The following TBC1D5 variants were observed in gnomAD, a reference collection of about 807,000 sequenced individuals.
The protein encoded by TBC1D5 is TBC1 domain family member 5, also known as TBC1 domain family, member 5.
A neutral mutation model predicts 100.3 loss-of-function variants in TBC1D5; 75 were observed. That is an observed-to-expected ratio of 0.75 (90% CI 0.62 to 0.91). The LOEUF is 0.91. Ranked by LOEUF, TBC1D5 falls within the 40% of genes least tolerant of loss-of-function variation. The pLI, the probability that TBC1D5 is intolerant of heterozygous loss-of-function variation, is 0.00. For synonymous variants in TBC1D5, 323 were observed against 325.6 expected (o/e 0.99, Z 0.09); for missense variants, 910 against 942.4 (o/e 0.97, Z 0.45).
At chr3:17,724,183 T>G (rs1328989874) in intron 1 of TBC1D5, among the ~76,000 whole-genome samples, 1 of 150,244 alleles carries the variant, frequency 6.7e-6, no homozygotes, top group Non-Finnish European at 1.5e-5. Context: ...CAAGCAATCC[T>G]CTAGCCTCAG....
intron 14 of TBC1D5, among the ~76,000 whole-genome samples, chr3:17,293,261 C>A (rs1039333817): frequency 4.6e-5 from 7 of 152,088 alleles, no homozygotes; most frequent in African/African-American, 1.7e-4. Flanking sequence ...TCCAGAAATT[C>A]AAAAAGCTAA....
chr3:17,220,360 G>A (rs1414304059), intron 17 of TBC1D5, among the ~76,000 whole-genome samples: 2 of 152,088 alleles, frequency 1.3e-5, no homozygotes, highest in African/African-American at 2.4e-5. Context: ...ATCAGATAGA[G>A]GAGGACTTCA....
Position 17,397,140 on chromosome 3 carries a change from G to T in TBC1D5, c.509+6041C>A, listed in dbSNP as rs557042985. Among the ~76,000 whole-genome samples, 4 of 152,020 alleles carry T rather than the reference G, an allele frequency of 2.6e-5. No individual in the cohort carries two copies. In the South Asian group the frequency reaches 8.3e-4, roughly 32 times the overall value. ...GCACATATCTATAATTTTTAAAAAAGAATTTAAAGAATTTTTTTTTACTTC... is the reference window on the plus strand; with the variant it reads ...GCACATATCTATAATTTTTAAAAAATAATTTAAAGAATTTTTTTTTACTTC... On this transcript the variant is annotated intron_variant, in intron 8 of 21. Coordinates refer to ENST00000253692, the Ensembl canonical transcript of TBC1D5.
intron 1 of TBC1D5, among the ~76,000 whole-genome samples, chr3:17,692,927 CA>C (rs1577518816): frequency 6.6e-6 from 1 of 152,220 alleles, no homozygotes; most frequent in Non-Finnish European, 1.5e-5. Flanking sequence ...CCCAAGAGTT[CA>C]AGACCAGCCT....
In TBC1D5 at chr3:17,717,723, C is replaced by T. The variant is rs544271760; in HGVS notation, c.-101+21620G>A. 3.3e-3 allele frequency among the ~76,000 whole-genome samples: 510 copies of T among 152,248 alleles called. 4 individuals are homozygous for T. The highest frequency in any genetic ancestry group is 0.021 in the South Asian group (102 of 4,820). ...TATATGCTTTCTAGTGACTAGGTGG[C>T]CACCAATATCCTCCATACTACTCCT... On this transcript the variant is annotated intron_variant, in intron 1 of 21. Transcript: ENST00000253692.
At chr3:17,719,833 A>G (rs907175646) in intron 1 of TBC1D5, among the ~76,000 whole-genome samples, 3 of 152,202 alleles carry the variant, frequency 2.0e-5, no homozygotes, top group African/African-American at 7.2e-5. Flanking sequence ...ACAAAGCCAA[A>G]TGTAAACAAG....
At chr3:17,622,421 T>C (rs1265728200) in intron 2 of TBC1D5, among the ~76,000 whole-genome samples, 3 of 152,176 alleles carry the variant, frequency 2.0e-5, no homozygotes, top group Admixed American at 2.0e-4. Flanking sequence ...GTCTTATCAG[T>C]ACCATTTATG....
At chr3:17,324,786 A>T (rs2085881666) in intron 13 of TBC1D5, among the ~76,000 whole-genome samples, 3 of 152,244 alleles carry the variant, frequency 2.0e-5, no homozygotes, top group Non-Finnish European at 4.4e-5. Context: ...AAAAATGGAC[A>T]AGATATAAGA....
chr3:17,463,913 G>A (rs572784384), intron 3 of TBC1D5, among the ~76,000 whole-genome samples: 2 of 140,798 alleles, frequency 1.4e-5, no homozygotes, highest in South Asian at 2.3e-4. Context: ...TATTTCTCAC[G>A]TTCCCAATCA....
intron 2 of TBC1D5, among the ~76,000 whole-genome samples, chr3:17,535,852 C>T (rs2096276612): frequency 6.6e-6 from 1 of 151,728 alleles, no homozygotes; most frequent in Non-Finnish European, 1.5e-5. Flanking sequence ...AATGAAAAAC[C>T]TAACAGGAAT....
intron 13 of TBC1D5, among the ~76,000 whole-genome samples, chr3:17,344,024 C>T (rs1292097037): frequency 1.7e-4 from 26 of 151,988 alleles, no homozygotes; most frequent in Non-Finnish European, 3.2e-4. Context: ...TGAATGTTTG[C>T]TCTTGCTTTT....
At chr3:17,306,680 G>GA (rs1049563763) in intron 14 of TBC1D5, among the ~76,000 whole-genome samples, 1 of 152,090 alleles carries the variant, frequency 6.6e-6, no homozygotes, top group African/African-American at 2.4e-5. Flanking sequence ...TACAATTACA[G>GA]AAAATCATAA....
intron 1 of TBC1D5, among the ~76,000 whole-genome samples, chr3:17,637,992 C>T (rs1455351536): frequency 1.3e-5 from 2 of 152,180 alleles, no homozygotes; most frequent in Middle Eastern, 3.4e-3. Context: ...AATTATAGTA[C>T]ATCTACTCAA....
At chr3:17,717,053 G>T (rs2075298920) in intron 1 of TBC1D5, among the ~76,000 whole-genome samples, 1 of 152,044 alleles carries the variant, frequency 6.6e-6, no homozygotes, top group Non-Finnish European at 1.5e-5. Flanking sequence ...AAAACTCTCA[G>T]AGGAAATTTC....
chr3:17,595,492 T>A (rs1576915653), intron 2 of TBC1D5, among the ~76,000 whole-genome samples: 1 of 152,240 alleles, frequency 6.6e-6, no homozygotes, highest in Non-Finnish European at 1.5e-5. Context: ...TGGGGCATAT[T>A]TGCATTCTAT....
rs141911516 is a variant in TBC1D5 at position 17,523,592 on chromosome 3, C to T, written c.-35-14987G>A. ...ATTGTTCTGAAGCCAGCAAAATGGA[C>T]AATAAAATAGTAAATACCTACGTTT... On this transcript the variant is annotated intron_variant, in intron 2 of 21. Coordinates refer to ENST00000253692, the Ensembl canonical transcript of TBC1D5. 6.6e-5 allele frequency among the ~76,000 whole-genome samples: 10 copies of T among 152,076 alleles called. No individual in the cohort carries two copies. The East Asian group carries it at 1.9e-3, about 29-fold the overall frequency.
intron 1 of TBC1D5, among the ~76,000 whole-genome samples, chr3:17,660,766 G>A (rs1441715192): frequency 6.6e-6 from 1 of 152,050 alleles, no homozygotes; most frequent in East Asian, 1.9e-4. Flanking sequence ...TCCATTGTAG[G>A]GAAAAAATAA....
intron 17 of TBC1D5, 148 bp downstream of exon 18, chr3:17,233,537 A>T (rs1346523934): frequency 3.6e-6 from 2 of 556,632 alleles, no homozygotes; most frequent in Middle Eastern, 2.7e-4. Context: ...GTTCTTAACA[A>T]TAGTGCCACT....
chr3:17,176,586 A>G (rs2067757568), intron 19 of TBC1D5, among the ~76,000 whole-genome samples: 1 of 152,126 alleles, frequency 6.6e-6, no homozygotes, highest in African/African-American at 2.4e-5. Context: ...CACTCATAAG[A>G]GGGAGCTGAA....
Sources: gnomAD v4.1 joint callset for allele counts (sites outside exome capture counted in the v4.1 genomes callset) on GRCh38, gnomAD v4.1.1 for gene constraint, MANE v1.5 for transcripts, NCBI Gene and HGNC (gene_info 2026-07-23, HGNC 2026-07-21) for gene names.